The following COL4A4 variants were observed in gnomAD, a reference collection of about 807,000 sequenced individuals.
COL4A4 encodes the protein collagen alpha-4(IV) chain.
A neutral mutation model predicts 192.9 loss-of-function variants in COL4A4; 105 were observed. That is an observed-to-expected ratio of 0.54 (90% CI 0.46 to 0.64). The LOEUF (loss-of-function observed/expected upper bound fraction) is 0.64, where lower values mean the gene tolerates loss of function less well. Among genes scored for constraint, COL4A4 ranks in the 30% least tolerant of loss-of-function variants. The pLI is 0.00. For synonymous variants in COL4A4, 762 were observed against 769.9 expected, an observed-to-expected ratio of 0.99 and a Z score of 0.17; for missense variants, 1,967 against 2,169.3, an observed-to-expected ratio of 0.91 and a Z score of 1.85.
chr2:227,042,077 G>GA (rs1262376160), intron 37 of COL4A4, 71 bp downstream of exon 37: 14 of 961,172 alleles, frequency 1.5e-5, no homozygotes, highest in Middle Eastern at 2.1e-4. Flanking sequence ...ACTGGTACAG[G>GA]AAAAAAACAC....
chr2:227,049,969 G>A (rs2150171149), intron 34 of COL4A4, 99 bp downstream of exon 34: 1 of 1,142,292 alleles, frequency 8.8e-7, no homozygotes, highest in Non-Finnish European at 1.3e-6. Flanking sequence ...CAGTTTCTTT[G>A]ATACACTTTG....
At chr2:227,105,382 G>A (rs1697854319) in intron 12 of COL4A4, among the ~76,000 whole-genome samples, 2 of 151,618 alleles carry the variant, frequency 1.3e-5, no homozygotes, top group South Asian at 4.1e-4. Flanking sequence ...AGTAGAGATG[G>A]GATTTCGCCA....
chr2:226,978,713 A>T, the COL4A4 span, among the ~76,000 whole-genome samples: 2 of 152,188 alleles, frequency 1.3e-5, no homozygotes, highest in African/African-American at 4.8e-5. Context: ...ATCACTAACC[A>T]TGGCATCATG....
chr2:227,145,412 G>A (rs2001851), intron 2 of COL4A4, among the ~76,000 whole-genome samples: 75,608 of 152,056 alleles, frequency 0.5, 19,236 homozygotes, highest in African/African-American at 0.58. Flanking sequence ...GTGCCACTGC[G>A]CTCCAGCCTG....
chr2:227,018,803 C>T (rs2149820637), intron 44 of COL4A4, among the ~76,000 whole-genome samples: 1 of 152,260 alleles, frequency 6.6e-6, no homozygotes, highest in African/African-American at 2.4e-5. Context: ...TGGCCACGTG[C>T]AGCAGATGAG....
chr2:227,006,457 G>A lies in COL4A4; in HGVS notation c.*868C>T, dbSNP rs1559390559. 6.6e-6 allele frequency: 1 copy of A among 152,596 alleles called. No homozygotes were observed. The highest frequency in any genetic ancestry group is 1.5e-5 in the Non-Finnish European group (1 of 68,054). 9.5% of individuals were successfully genotyped at this position (152,596 alleles called of 1,614,324 possible). ...GACCCCGACTGGGGAAAAGCAGTCTGTCTGGAAGTTCACTGCAATGGGGAG... is the reference window on the plus strand; with the variant it reads ...GACCCCGACTGGGGAAAAGCAGTCTATCTGGAAGTTCACTGCAATGGGGAG... On this transcript the variant is annotated 3_prime_UTR_variant, in exon 48 of 48. Transcript: ENST00000396625.
At chr2:227,062,095 G>A (rs13423987) in intron 26 of COL4A4, among the ~76,000 whole-genome samples, 37,403 of 151,820 alleles carry the variant, frequency 0.25, 5,603 homozygotes, top group South Asian at 0.38. Context: ...AAAATTAGCC[G>A]GGCACGGTGG....
intron 8 of COL4A4, among the ~76,000 whole-genome samples, chr2:227,112,502 CAG>C (rs2061271012): frequency 6.6e-6 from 1 of 152,206 alleles, no homozygotes; most frequent in Admixed American, 6.5e-5. Context: ...CTCCTGACCT[CAG>C]GTAATCCACC....
chr2:227,068,185 G>C (rs1232917196), intron 25 of COL4A4, among the ~76,000 whole-genome samples: 66 of 150,620 alleles, frequency 4.4e-4, no homozygotes, highest in African/African-American at 1.3e-3. Context: ...TTGAATCTCT[G>C]AATAGACCAA....
intron 1 of COL4A4, among the ~76,000 whole-genome samples, chr2:227,152,550 T>A (rs1205630149): frequency 2.6e-5 from 4 of 152,168 alleles, no homozygotes; most frequent in Non-Finnish European, 5.9e-5. Flanking sequence ...TTATGACTGT[T>A]CTCCTGCCTA....
intron 22 of COL4A4, 152 bp from the exon 23 acceptor site, chr2:227,082,339 A>T: frequency 1.4e-6 from 1 of 729,794 alleles, no homozygotes; most frequent in South Asian, 1.6e-5. Flanking sequence ...CCTGCCTTCC[A>T]AGGTAGTCCT....
intron 37 of COL4A4, among the ~76,000 whole-genome samples, chr2:227,040,176 T>C (rs76019479): frequency 0.01 from 1,588 of 152,352 alleles, 37 homozygotes; most frequent in African/African-American, 0.036. Flanking sequence ...TCCAACTCAG[T>C]ACCTTCTGAA....
chr2:227,066,429 T>C (rs1311192551), intron 25 of COL4A4, among the ~76,000 whole-genome samples: 1 of 151,172 alleles, frequency 6.6e-6, no homozygotes, highest in African/African-American at 2.4e-5. Flanking sequence ...TTCACCAAAG[T>C]TGAAATGAAG....
intron 32 of COL4A4, among the ~76,000 whole-genome samples, chr2:227,051,497 G>T (rs2150185914): frequency 6.6e-6 from 1 of 152,328 alleles, no homozygotes; most frequent in South Asian, 2.1e-4. Context: ...ACCTCATGCA[G>T]ACTAAGTCTG....
At position 227,003,579 on chromosome 2, in the gene COL4A4, G is replaced by A. The variant is rs1961466510; in HGVS notation, c.*3746C>T. 1 of 151,944 alleles carries A rather than the reference G, an allele frequency of 6.6e-6. No individual in the cohort carries two copies. Among genetic ancestry groups the A allele is most frequent in the Non-Finnish European group, 1.5e-5 (1 of 67,984 alleles). The allele number at this position is 151,944 out of a possible 1,614,324, so 9.4% of individuals were successfully genotyped here. On this transcript the variant is annotated 3_prime_UTR_variant, in exon 48 of 48. Coordinates refer to ENST00000396625, the MANE Select transcript of COL4A4 (RefSeq NM_000092.5). ...TATAATTTCCTGGAACACACTGAAT[G>A]GTTTGCTTTACTGTAATCTACACGA...
chr2:227,041,846 A>AGAG (rs1971273307), intron 37 of COL4A4, among the ~76,000 whole-genome samples: 10 of 39,316 alleles, frequency 2.5e-4, no homozygotes, highest in Admixed American at 8.7e-4. Context: ...GAAAGAAAGA[A>AGAG]AGAGAAAGAA....
the COL4A4 span, chr2:226,988,209 GAC>G: frequency 1.2e-6 from 1 of 839,764 alleles, no homozygotes; most frequent in Non-Finnish European, 1.8e-6. Flanking sequence ...CTTACCCAAA[GAC>G]AGTCTCAAGA....
chr2:227,152,896 T>A (rs946720101), intron 1 of COL4A4, among the ~76,000 whole-genome samples: 1 of 152,106 alleles, frequency 6.6e-6, no homozygotes, highest in Non-Finnish European at 1.5e-5. Context: ...CAAAAAAAAT[T>A]ACTTGTATTT....
chr2:227,059,025 C>T (rs1976209458), intron 28 of COL4A4, among the ~76,000 whole-genome samples: 1 of 152,176 alleles, frequency 6.6e-6, no homozygotes, highest in Admixed American at 6.5e-5. Flanking sequence ...TTCCCAGATG[C>T]CAGCTCACAG....
Sources: gnomAD v4.1 joint callset for allele counts (sites outside exome capture counted in the v4.1 genomes callset) on GRCh38, gnomAD v4.1.1 for gene constraint, MANE v1.5 for transcripts, NCBI Gene and HGNC (gene_info 2026-07-23, HGNC 2026-07-21) for gene names.